DLGAP1: variants seen among roughly 807,000 people sequenced by gnomAD.
The protein encoded by DLGAP1 is disks large-associated protein 1.
DLGAP1 carries 11 observed loss-of-function variants against 90.8 expected under a neutral mutation model. The observed-to-expected ratio is 0.12, with a 90% confidence interval of 0.08 to 0.20. DLGAP1 has a LOEUF of 0.20. DLGAP1 is among the 10% of genes least tolerant of loss of function. The pLI, the probability that DLGAP1 is intolerant of heterozygous loss-of-function variation, is 1.00. For missense variants in DLGAP1, 1,050 were observed against 1,333.8 expected (o/e 0.79, Z 3.31); for synonymous variants, 558 against 540.7 (o/e 1.03, Z -0.44).
chr18:3,835,899 A>G (rs1212992956), intron 4 of DLGAP1, among the ~76,000 whole-genome samples: 2 of 152,108 alleles, frequency 1.3e-5, no homozygotes, highest in African/African-American at 4.8e-5. Context: ...TTTATCAATT[A>G]TTTATTGTGT....
At chr18:4,148,683 C>T (rs566720975) in intron 2 of DLGAP1, among the ~76,000 whole-genome samples, 1 of 152,328 alleles carries the variant, frequency 6.6e-6, no homozygotes, top group East Asian at 1.9e-4. Flanking sequence ...GGTTTCCCTG[C>T]ACTACCATTC....
chr18:4,281,961 C>T (rs2079561885), intron 1 of DLGAP1, among the ~76,000 whole-genome samples: 2 of 152,094 alleles, frequency 1.3e-5, no homozygotes, highest in African/African-American at 4.8e-5. Flanking sequence ...AAATGCATTC[C>T]ACTTTGTTAC....
chr18:3,837,414 G>A (rs2068450725), intron 4 of DLGAP1, among the ~76,000 whole-genome samples: 1 of 152,054 alleles, frequency 6.6e-6, no homozygotes, highest in Non-Finnish European at 1.5e-5. Context: ...ATGCAGCAAT[G>A]GATATTATAA....
chr18:4,134,041 T>G, intron 2 of DLGAP1, among the ~76,000 whole-genome samples: 1 of 152,128 alleles, frequency 6.6e-6, no homozygotes, highest in East Asian at 1.9e-4. Context: ...ATGATTGAAT[T>G]TATAATTTCA....
intron 3 of DLGAP1, among the ~76,000 whole-genome samples, chr18:3,954,589 T>G (rs2073049278): frequency 6.6e-6 from 1 of 152,228 alleles, no homozygotes; most frequent in Non-Finnish European, 1.5e-5. Context: ...TGCCACAGCA[T>G]TGTGTTCAAA....
intron 6 of DLGAP1, among the ~76,000 whole-genome samples, chr18:3,735,391 T>C (rs2062597740): frequency 1.3e-5 from 2 of 152,116 alleles, no homozygotes; most frequent in African/African-American, 4.8e-5. Flanking sequence ...GGCTAACTTT[T>C]TTTTTGTATT....
intron 1 of DLGAP1, among the ~76,000 whole-genome samples, chr18:4,269,635 T>C (rs554087900): frequency 6.6e-6 from 1 of 152,076 alleles, no homozygotes; most frequent in South Asian, 2.1e-4. Flanking sequence ...ATTACAGGCG[T>C]GAGCCACCGC....
intron 7 of DLGAP1, among the ~76,000 whole-genome samples, chr18:3,641,147 C>T (rs1048460327): frequency 1.3e-5 from 2 of 151,926 alleles, no homozygotes; most frequent in African/African-American, 4.8e-5. Flanking sequence ...TGTGTATGAA[C>T]ATTTATTACT....
intron 7 of DLGAP1, among the ~76,000 whole-genome samples, chr18:3,720,888 C>CAAA (rs1186426563): frequency 5.6e-4 from 28 of 50,224 alleles, no homozygotes; most frequent in East Asian, 6.6e-4. Context: ...CTTGTCTCTA[C>CAAA]AAAAAAAAAA....
intron 3 of DLGAP1, among the ~76,000 whole-genome samples, chr18:3,977,432 G>GTTTTTTT (rs1467413382): frequency 1.1e-4 from 6 of 52,762 alleles, no homozygotes; most frequent in African/African-American, 5.1e-4. Context: ...TGTTTATTCT[G>GTTTTTTT]TGTTTTTTTT....
intron 3 of DLGAP1, among the ~76,000 whole-genome samples, chr18:3,898,005 A>T (rs563516520): frequency 6.6e-6 from 1 of 152,060 alleles, no homozygotes; most frequent in East Asian, 1.9e-4. Flanking sequence ...CTTGTTAGCC[A>T]GGATGGTCTC....
chr18:4,139,171 G>A (rs2076454535), intron 2 of DLGAP1, among the ~76,000 whole-genome samples: 1 of 151,580 alleles, frequency 6.6e-6, no homozygotes, highest in Non-Finnish European at 1.5e-5. Flanking sequence ...CTAATCTTGG[G>A]TTTGGTTTGC....
chr18:4,118,119 C>T (rs973377261), intron 2 of DLGAP1, among the ~76,000 whole-genome samples: 1 of 152,078 alleles, frequency 6.6e-6, no homozygotes, highest in African/African-American at 2.4e-5. Flanking sequence ...CACCATGGAG[C>T]TATGAGTGCC....
At chr18:3,543,712 A>G (rs1429196375) in intron 9 of DLGAP1, among the ~76,000 whole-genome samples, 2 of 152,210 alleles carry the variant, frequency 1.3e-5, no homozygotes, top group Non-Finnish European at 2.9e-5. Context: ...AACAGTGATC[A>G]CTGAGATATG....
At chr18:4,066,620 C>T (rs7241453) in intron 2 of DLGAP1, among the ~76,000 whole-genome samples, 65,710 of 151,732 alleles carry the variant, frequency 0.43, 15,166 homozygotes, top group African/African-American at 0.59. Flanking sequence ...AAATCAGAAC[C>T]GTGAGATACC....
intron 5 of DLGAP1, among the ~76,000 whole-genome samples, chr18:3,811,444 C>A (rs533436147): frequency 1.3e-5 from 2 of 152,188 alleles, no homozygotes; most frequent in South Asian, 4.1e-4. Flanking sequence ...AAAAAGTTCT[C>A]TTTCCTGCCA....
chr18:3,800,693 T>C (rs550679147), intron 5 of DLGAP1, among the ~76,000 whole-genome samples: 3 of 152,248 alleles, frequency 2.0e-5, no homozygotes, highest in East Asian at 1.9e-4. Context: ...AAAATATTTC[T>C]TGGTGGTGTT....
chr18:3,692,120 A>C (rs2060918260), intron 7 of DLGAP1, among the ~76,000 whole-genome samples: 1 of 152,320 alleles, frequency 6.6e-6, no homozygotes, highest in East Asian at 1.9e-4. Flanking sequence ...AAAATTTACT[A>C]ATTATTTTAA....
chr18:3,596,955 T>C (rs1568268462), intron 7 of DLGAP1: 1 of 519,934 alleles, frequency 1.9e-6, no homozygotes, highest in African/African-American at 1.9e-5. Flanking sequence ...CCCTGGGTCG[T>C]CCACCCGATG....
Sources: gnomAD v4.1 joint callset for allele counts (sites outside exome capture counted in the v4.1 genomes callset) on GRCh38, gnomAD v4.1.1 for gene constraint, MANE v1.5 for transcripts, NCBI Gene and HGNC (gene_info 2026-07-23, HGNC 2026-07-21) for gene names.